IGSF23: variants seen among roughly 807,000 people sequenced by gnomAD.
IGSF23 encodes the protein immunoglobulin superfamily member 23.
IGSF23 carries 14 observed loss-of-function variants against 17.8 expected under a neutral mutation model. That is an observed-to-expected ratio of 0.79 (90% CI 0.52 to 1.23). The LOEUF (loss-of-function observed/expected upper bound fraction) is 1.23, where lower values mean the gene tolerates loss of function less well. Among genes scored for constraint, IGSF23 ranks in the 50% most tolerant of loss-of-function variants. The probability of loss-of-function intolerance (pLI) is 0.00; values close to 1 mark genes in which losing one functional copy is unlikely to be tolerated. For synonymous variants in IGSF23, 85 were observed against 92.5 expected (o/e 0.92, Z 0.46); for missense variants, 214 against 241.7 (o/e 0.89, Z 0.76).
At chr19:44,616,900 AAGAG>A (rs899763381) in intron 1 of IGSF23, among the ~76,000 whole-genome samples, 4 of 149,290 alleles carry the variant, frequency 2.7e-5, no homozygotes, top group Non-Finnish European at 6.0e-5. Flanking sequence ...GAGAGAGAAA[AAGAG>A]AGAGAGAGAG....
chr19:44,628,880 T>C (rs150025160), intron 3 of IGSF23, among the ~76,000 whole-genome samples: 2 of 152,196 alleles, frequency 1.3e-5, no homozygotes, highest in African/African-American at 4.8e-5. Flanking sequence ...AGGGAAGGCC[T>C]CCCTGGGACA....
intron 2 of IGSF23, among the ~76,000 whole-genome samples, chr19:44,626,990 T>C (rs1403031249): frequency 6.6e-6 from 1 of 150,490 alleles, no homozygotes; most frequent in Admixed American, 6.6e-5. Context: ...CAGTGCAGCA[T>C]GGACAGGCCT....
At chr19:44,633,984 C>G (rs1028191526) in intron 3 of IGSF23, among the ~76,000 whole-genome samples, 2 of 152,230 alleles carry the variant, frequency 1.3e-5, no homozygotes, top group African/African-American at 2.4e-5. Flanking sequence ...TGTTTGTACC[C>G]CTTTTAAACT....
chr19:44,625,597 G>A (rs1048923221), intron 2 of IGSF23, among the ~76,000 whole-genome samples: 2 of 152,160 alleles, frequency 1.3e-5, no homozygotes, highest in African/African-American at 2.4e-5. Flanking sequence ...TATAAGGAAC[G>A]AAAACAAGGG....
At chr19:44,629,405 T>C (rs1041142841) in intron 3 of IGSF23, among the ~76,000 whole-genome samples, 5 of 151,890 alleles carry the variant, frequency 3.3e-5, no homozygotes, top group African/African-American at 1.2e-4. Flanking sequence ...TAAAGTTTTT[T>C]TTTTTTAATT....
At chr19:44,620,340 T>TG (rs1440094582) in intron 1 of IGSF23, among the ~76,000 whole-genome samples, 378 of 119,560 alleles carry the variant, frequency 3.2e-3, no homozygotes, top group African/African-American at 0.012. Flanking sequence ...GATGACTAAT[T>TG]TTGTGTGTGT....
At chr19:44,613,911 C>T in intron 1 of IGSF23, 141 bp downstream of exon 1, 2 of 1,548,174 alleles carry the variant, frequency 1.3e-6, no homozygotes, top group Non-Finnish European at 1.7e-6. Flanking sequence ...CTGCACAGTC[C>T]CTGGACAGAA....
intron 1 of IGSF23, among the ~76,000 whole-genome samples, chr19:44,616,874 T>G (rs1055201277): frequency 1.3e-5 from 2 of 150,038 alleles, no homozygotes; most frequent in African/African-American, 4.9e-5. Context: ...ACCATATATG[T>G]AGAGAGAGAG....
chr19:44,628,513 C>T (rs846861), intron 3 of IGSF23, among the ~76,000 whole-genome samples: 23,746 of 151,972 alleles, frequency 0.16, 2,056 homozygotes, highest in East Asian at 0.37. Flanking sequence ...TTTGGGAGGC[C>T]GAGGTGGGTA....
intron 3 of IGSF23, among the ~76,000 whole-genome samples, chr19:44,633,708 G>T (rs1972820474): frequency 6.6e-6 from 1 of 152,186 alleles, no homozygotes; most frequent in Non-Finnish European, 1.5e-5. Flanking sequence ...TCCTGTATCT[G>T]CCAAGCCTTT....
At chr19:44,631,143 T>G (rs1972757213) in intron 3 of IGSF23, among the ~76,000 whole-genome samples, 1 of 151,134 alleles carries the variant, frequency 6.6e-6, no homozygotes, top group African/African-American at 2.4e-5. Flanking sequence ...AACACATGCT[T>G]GTGGTTCCAG....
At chr19:44,635,502 T>G in intron 4 of IGSF23, 37 bp downstream of exon 4, 5 of 1,460,594 alleles carry the variant, frequency 3.4e-6, no homozygotes, top group Non-Finnish European at 4.7e-6. Context: ...ATCCTAGGTT[T>G]GGGAACAGAA....
At chr19:44,635,940 C>T (rs1972879823) in intron 4 of IGSF23, among the ~76,000 whole-genome samples, 1 of 152,154 alleles carries the variant, frequency 6.6e-6, no homozygotes, top group Non-Finnish European at 1.5e-5. Context: ...TAGTTCTGGT[C>T]TCTGCCAGGC....
intron 2 of IGSF23, among the ~76,000 whole-genome samples, chr19:44,626,167 C>T (rs1972642707): frequency 6.6e-6 from 1 of 152,066 alleles, no homozygotes; most frequent in Non-Finnish European, 1.5e-5. Context: ...AGTCAAGGTT[C>T]AGAGCTGGGA....
rs780608505 is a variant in IGSF23 at position 44,623,908 on chromosome 19, C to T, written c.327C>T (p.Tyr109=). 9.0e-6 allele frequency: 14 copies of T among 1,550,776 alleles called. No individual in the cohort carries two copies. The highest frequency in any genetic ancestry group is 1.2e-5 in the Non-Finnish European group (14 of 1,147,030). ...TGTCCTGTGAGCAGCTGGGCACCTACATGTGCATAGCCACAAACAGCAAGA... is the reference window on the plus strand; with the variant it reads ...TGTCCTGTGAGCAGCTGGGCACCTATATGTGCATAGCCACAAACAGCAAGA... ...RRLSCEQLGT[Y]MCIATNSKKQ... Residue 109 remains tyrosine (Y), a synonymous_variant, in exon 2 of 5, where the codon TAC becomes TAT. Coordinates refer to ENST00000402988, the MANE Select transcript of IGSF23 (RefSeq NM_001205280.2).
chr19:44,614,005 A>G (rs746651608), intron 1 of IGSF23: 1 of 1,508,630 alleles, frequency 6.6e-7, no homozygotes, highest in Non-Finnish European at 8.9e-7. Context: ...CGTTGGAGAC[A>G]GCGGCTTCAC....
Position 44,614,070 on chromosome 19 carries a change from C to G in IGSF23, c.125+300C>G, listed in dbSNP as rs751116774. The G allele has an allele frequency of 9.4e-4, 1,135 of 1,207,216 alleles. 3 individuals carry two copies. Among genetic ancestry groups the G allele is most frequent in the Non-Finnish European group, 1.1e-3 (923 of 877,538 alleles). 74.8% of individuals were successfully genotyped at this position (1,207,216 alleles called of 1,614,324 possible). A position where few individuals can be genotyped will look rare whatever the true frequency, so the allele number is the denominator to read the frequency against. ...TCCTTACGAGTCCAAGTCACCCCCA[C>G]TCAGAGCTTTGACCCTGTCAGTTTG... On this transcript the variant is annotated intron_variant, in intron 1 of 4. Transcript: ENST00000402988.
At chr19:44,621,943 C>T (rs368496934) in intron 1 of IGSF23, among the ~76,000 whole-genome samples, 4 of 152,096 alleles carry the variant, frequency 2.6e-5, no homozygotes, top group East Asian at 3.9e-4. Context: ...AATCCATGGC[C>T]GGGTATGGTG....
intron 3 of IGSF23, among the ~76,000 whole-genome samples, chr19:44,633,036 C>A (rs1972803145): frequency 6.6e-6 from 1 of 152,226 alleles, no homozygotes; most frequent in Non-Finnish European, 1.5e-5. Context: ...TATAGGGCGT[C>A]TGGAAAACTT....
Sources: allele counts gnomAD v4.1 joint callset (sites outside exome capture counted in the v4.1 genomes callset), GRCh38; gene constraint gnomAD v4.1.1; transcripts MANE v1.5; gene names NCBI Gene and HGNC (gene_info 2026-07-23, HGNC 2026-07-21).